The following CCDC3 variants were observed in gnomAD, a reference collection of about 807,000 sequenced individuals.
CCDC3 encodes the protein coiled-coil domain containing 3.
In CCDC3, 24 loss-of-function variants were observed where a neutral mutation model predicts 21.4. That is an observed-to-expected ratio of 1.12 (90% confidence interval 0.81 to 1.58). The LOEUF (loss-of-function observed/expected upper bound fraction) is 1.58. Among genes scored for constraint, CCDC3 ranks in the 40% most tolerant of loss-of-function variants. The probability of loss-of-function intolerance (pLI) is 0.00; values close to 1 mark genes in which losing one functional copy is unlikely to be tolerated. For synonymous variants in CCDC3, 186 were observed against 166.0 expected (o/e 1.12, Z -0.93); for missense variants, 425 against 360.9 (o/e 1.18, Z -1.44).
chr10:12,934,579 A>AT (rs1371714237), intron 2 of CCDC3, among the ~76,000 whole-genome samples: 1 of 151,962 alleles, frequency 6.6e-6, no homozygotes, highest in Non-Finnish European at 1.5e-5. Flanking sequence ...AAACTCATCT[A>AT]TTTTTCCTTG....
intron 2 of CCDC3, among the ~76,000 whole-genome samples, chr10:12,950,518 G>A (rs1195381206): frequency 2.6e-5 from 4 of 152,196 alleles, no homozygotes; most frequent in Admixed American, 1.3e-4. Flanking sequence ...CAGTTCAGAT[G>A]CAAAGAGCAG....
intron 2 of CCDC3, among the ~76,000 whole-genome samples, chr10:12,899,760 A>C (rs945635362): frequency 2.0e-5 from 3 of 151,900 alleles, no homozygotes; most frequent in African/African-American, 4.9e-5. Flanking sequence ...ATATGCATAC[A>C]CTATCTCTGG....
At chr10:13,037,686 G>T (rs760693920) in intron 5 of CCDC3, among the ~76,000 whole-genome samples, 16 of 152,170 alleles carry the variant, frequency 1.1e-4, no homozygotes, top group Non-Finnish European at 2.1e-4. Context: ...AGGAGGCCAG[G>T]CATAGTAGCT....
intron 5 of CCDC3, among the ~76,000 whole-genome samples, chr10:13,030,670 G>GA (rs1005529120): frequency 7.5e-5 from 11 of 147,604 alleles, no homozygotes; most frequent in South Asian, 4.3e-4. Context: ...ATGGAAAGCA[G>GA]AAAAAAAAAG....
At chr10:12,969,520 C>A (rs561868032) in intron 2 of CCDC3, among the ~76,000 whole-genome samples, 1 of 151,582 alleles carries the variant, frequency 6.6e-6, no homozygotes, top group Non-Finnish European at 1.5e-5. Flanking sequence ...CAGAAGCTTA[C>A]GTACCCAGTA....
chr10:13,086,202 T>A (rs1329158937), intron 3 of CCDC3, among the ~76,000 whole-genome samples: 14 of 152,020 alleles, frequency 9.2e-5, no homozygotes. Context: ...GCCAGGCCCT[T>A]TGGGGATTTA....
chr10:13,056,994 C>T (rs1179845897), intron 4 of CCDC3, among the ~76,000 whole-genome samples: 1 of 152,126 alleles, frequency 6.6e-6, no homozygotes, highest in Non-Finnish European at 1.5e-5. Context: ...TTCCTTAGTT[C>T]TAAAATGAGG....
rs75113260 is a variant in CCDC3, at chr10:13,099,015, C to G, written c.-581+69G>C. On this transcript the variant is annotated intron_variant, in intron 2 of 6. Transcript: ENST00000378839. ...CAGGCGTGAGCCACCGCGCCTGGCC[C>G]TCCTGCACTGATATAAAAAGAATTT... 5.7e-3 allele frequency: 862 copies of G among 152,170 alleles called. 11 individuals carry two copies. Among genetic ancestry groups the G allele is most frequent in the African/African-American group, 0.02 (834 of 41,472 alleles). The allele number at this position is 152,170 out of a possible 1,614,324, so 9.4% of individuals were successfully genotyped here. A position where few individuals can be genotyped will look rare whatever the true frequency, so the allele number is the denominator to read the frequency against.
At chr10:12,898,909 T>C (rs1015265594) in intron 2 of CCDC3, among the ~76,000 whole-genome samples, 19 of 152,206 alleles carry the variant, frequency 1.2e-4, no homozygotes, top group African/African-American at 4.1e-4. Flanking sequence ...TTTCCATACT[T>C]GGCTTCCTTG....
chr10:13,020,808 A>T (rs1431621170), intron 5 of CCDC3, among the ~76,000 whole-genome samples: 1 of 152,240 alleles, frequency 6.6e-6, no homozygotes, highest in Non-Finnish European at 1.5e-5. Flanking sequence ...AGAATAGCCA[A>T]GAGATTCATC....
chr10:13,012,209 A>G (rs998447589), intron 5 of CCDC3, among the ~76,000 whole-genome samples: 1 of 152,228 alleles, frequency 6.6e-6, no homozygotes, highest in African/African-American at 2.4e-5. Context: ...AGACCTAACT[A>G]AAGAGCTTCT....
chr10:13,039,948 A>C (rs948015042), intron 5 of CCDC3, among the ~76,000 whole-genome samples: 1 of 151,796 alleles, frequency 6.6e-6, no homozygotes, highest in Non-Finnish European at 1.5e-5. Flanking sequence ...TGAGCTGCCT[A>C]TAGCACCTAG....
intron 1 of CCDC3, among the ~76,000 whole-genome samples, chr10:13,000,301 T>C (rs542422419): frequency 4.1e-4 from 62 of 152,312 alleles, no homozygotes; most frequent in Non-Finnish European, 7.1e-4. Context: ...CCAAAGAATT[T>C]AGAGTTCTAC....
chr10:12,967,998 G>C (rs541648590), intron 2 of CCDC3, among the ~76,000 whole-genome samples: 1 of 152,162 alleles, frequency 6.6e-6, no homozygotes, highest in East Asian at 1.9e-4. Flanking sequence ...GTGAAACCCA[G>C]TCCCTACTAA....
Position 13,001,598 on chromosome 10 carries a change from G to T in CCDC3, c.-28C>A. 1 of 1,160,006 alleles carries T rather than the reference G, an allele frequency of 8.6e-7. No homozygotes were observed. The highest frequency in any genetic ancestry group is 4.3e-5 in the South Asian group (1 of 23,450). The allele number at this position is 1,160,006 out of a possible 1,614,324, so 71.9% of individuals were successfully genotyped here. ...CGGGCCCTCCCGGGGCGCACGGGGC[G>T]GCGGCGGGGAGCCCGGGGAGCCCGC... On this transcript the variant is annotated 5_prime_UTR_variant, in exon 1 of 3. Coordinates refer to ENST00000378825, the MANE Select transcript of CCDC3 (RefSeq NM_031455.4).
At chr10:12,947,931 C>T (rs1461039376) in intron 2 of CCDC3, among the ~76,000 whole-genome samples, 4 of 152,288 alleles carry the variant, frequency 2.6e-5, no homozygotes, top group Admixed American at 6.5e-5. Context: ...GAAGACAGAC[C>T]CAAGATGTCT....
At chr10:13,016,451 G>A (rs559238254) in intron 5 of CCDC3, among the ~76,000 whole-genome samples, 1 of 151,794 alleles carries the variant, frequency 6.6e-6, no homozygotes, top group Non-Finnish European at 1.5e-5. Flanking sequence ...TTCTTCCTAT[G>A]ATATCATATT....
chr10:12,915,909 C>G (rs1834345677), intron 2 of CCDC3, among the ~76,000 whole-genome samples: 1 of 152,026 alleles, frequency 6.6e-6, no homozygotes, highest in African/African-American at 2.4e-5. Flanking sequence ...GGGTGCTGAC[C>G]TGGCACCAGG....
chr10:12,904,468 TAAAAAA>T (rs55772750), intron 2 of CCDC3, among the ~76,000 whole-genome samples: 57 of 40,902 alleles, frequency 1.4e-3, no homozygotes, highest in Non-Finnish European at 2.2e-3. Context: ...AAGCCAGTCT[TAAAAAA>T]AAAAAAAAAA....
Sources: allele counts gnomAD v4.1 joint callset (sites outside exome capture counted in the v4.1 genomes callset), GRCh38; gene constraint gnomAD v4.1.1; transcripts MANE v1.5; gene names NCBI Gene and HGNC (gene_info 2026-07-23, HGNC 2026-07-21).